WWOX: variants seen among roughly 807,000 people sequenced by gnomAD.
The protein encoded by WWOX is WW domain-containing oxidoreductase.
WWOX carries 69 observed loss-of-function variants against 46.2 expected under a neutral mutation model. The observed-to-expected ratio is 1.49, with a 90% confidence interval of 1.23 to 1.82. The LOEUF (loss-of-function observed/expected upper bound fraction) is 1.82. Among genes scored for constraint, WWOX ranks in the 40% most tolerant of loss-of-function variants. WWOX has a pLI of 0.00. For synonymous variants in WWOX, 359 were observed against 202.6 expected (o/e 1.77, Z -6.56); for missense variants, 919 against 542.6 (o/e 1.69, Z -6.89).
chr16:79,052,884 C>A (rs1295388893), intron 8 of WWOX, among the ~76,000 whole-genome samples: 1 of 145,542 alleles, frequency 6.9e-6, no homozygotes. Context: ...AAGATAATTA[C>A]TAATATGTCT....
At chr16:78,536,576 C>T (rs2043764535) in intron 8 of WWOX, among the ~76,000 whole-genome samples, 2 of 152,064 alleles carry the variant, frequency 1.3e-5, no homozygotes, top group Non-Finnish European at 2.9e-5. Context: ...TATATGGTAG[C>T]CAAGGACAGT....
intron 8 of WWOX, among the ~76,000 whole-genome samples, chr16:78,528,864 C>T (rs2043547962): frequency 1.3e-5 from 2 of 152,056 alleles, no homozygotes; most frequent in Admixed American, 6.5e-5. Flanking sequence ...ATCTTGGATT[C>T]CCAGCTTACT....
intron 8 of WWOX, among the ~76,000 whole-genome samples, chr16:79,178,280 C>G (rs569034669): frequency 5.9e-5 from 9 of 152,184 alleles, no homozygotes; most frequent in Admixed American, 5.9e-4. Flanking sequence ...AGGATTTGAC[C>G]CATGGGCTGC....
At chr16:78,106,409 C>T (rs528561395) in intron 1 of WWOX, among the ~76,000 whole-genome samples, 11 of 131,868 alleles carry the variant, frequency 8.3e-5, no homozygotes, top group South Asian at 2.5e-4. Context: ...AGAGTCAGAA[C>T]GGTTTTTTTT....
chr16:78,722,721 T>TC (rs1318497944), intron 8 of WWOX, among the ~76,000 whole-genome samples: 1 of 132,512 alleles, frequency 7.5e-6, no homozygotes, highest in Non-Finnish European at 1.6e-5. Flanking sequence ...TTTTTTTTTT[T>TC]CCTCTAAATA....
chr16:78,586,514 T>C (rs1010149536), intron 8 of WWOX, among the ~76,000 whole-genome samples: 3 of 152,200 alleles, frequency 2.0e-5, no homozygotes, highest in African/African-American at 4.8e-5. Flanking sequence ...GTTTTACTCA[T>C]TGTCTAATTG....
chr16:78,667,184 T>C (rs2047350506), intron 8 of WWOX, among the ~76,000 whole-genome samples: 1 of 152,244 alleles, frequency 6.6e-6, no homozygotes, highest in Non-Finnish European at 1.5e-5. Context: ...CATGAAACTC[T>C]ATGGGTGAAC....
At chr16:79,022,675 A>G (rs1208304265) in intron 8 of WWOX, among the ~76,000 whole-genome samples, 2 of 152,246 alleles carry the variant, frequency 1.3e-5, no homozygotes, top group East Asian at 1.9e-4. Context: ...TTTATGCCAA[A>G]TGATATGCAC....
At chr16:79,195,029 A>G (rs1000589264) in intron 8 of WWOX, among the ~76,000 whole-genome samples, 3 of 152,220 alleles carry the variant, frequency 2.0e-5, no homozygotes, top group Non-Finnish European at 4.4e-5. Context: ...TGCCTGTTCC[A>G]TATGAGAACA....
intron 8 of WWOX, among the ~76,000 whole-genome samples, chr16:78,472,836 A>AAAT (rs1421843878): frequency 0.012 from 1,693 of 135,530 alleles, 81 homozygotes; most frequent in African/African-American, 0.025. Context: ...AAAAAAAAAA[A>AAAT]TTATGTCATT....
chr16:78,370,534 C>G (rs1053456243), intron 5 of WWOX, among the ~76,000 whole-genome samples: 1 of 151,632 alleles, frequency 6.6e-6, no homozygotes, highest in Admixed American at 6.6e-5. Flanking sequence ...TTAAATGTTT[C>G]TATTCTTCTG....
chr16:79,165,957 T>G (rs565510574), intron 8 of WWOX, among the ~76,000 whole-genome samples: 3 of 152,332 alleles, frequency 2.0e-5, no homozygotes, highest in East Asian at 1.9e-4. Context: ...TAATGTTTTC[T>G]GGTAGTTGCT....
chr16:78,770,120 G>A (rs1425026295), intron 8 of WWOX, among the ~76,000 whole-genome samples: 2 of 152,108 alleles, frequency 1.3e-5, no homozygotes, highest in Non-Finnish European at 2.9e-5. Flanking sequence ...GGGAATACGA[G>A]GTGGGCCAAT....
intron 5 of WWOX, among the ~76,000 whole-genome samples, chr16:78,303,249 G>C (rs1057147487): frequency 5.3e-5 from 8 of 152,090 alleles, no homozygotes; most frequent in Non-Finnish European, 4.4e-5. Flanking sequence ...TTTTCTGATA[G>C]ACAAAGTAAA....
intron 6 of WWOX, among the ~76,000 whole-genome samples, chr16:78,410,075 G>A (rs1289629257): frequency 1.3e-5 from 2 of 152,166 alleles, no homozygotes; most frequent in East Asian, 1.9e-4. Context: ...CATCCCTTTG[G>A]TGATAAGTGA....
intron 5 of WWOX, among the ~76,000 whole-genome samples, chr16:78,352,223 C>G (rs1022491716): frequency 3.3e-5 from 5 of 152,230 alleles, no homozygotes; most frequent in Admixed American, 6.5e-5. Flanking sequence ...AATGTGAAAT[C>G]TCACAAATTA....
At chr16:78,882,057 C>T (rs60379582) in intron 8 of WWOX, among the ~76,000 whole-genome samples, 15 of 147,670 alleles carry the variant, frequency 1.0e-4, no homozygotes, top group Middle Eastern at 3.2e-3. Flanking sequence ...GCCCGGGAGA[C>T]GGAGGTTGCA....
At chr16:79,141,034 C>T (rs1449700871) in intron 8 of WWOX, among the ~76,000 whole-genome samples, 1 of 152,108 alleles carries the variant, frequency 6.6e-6, no homozygotes, top group African/African-American at 2.4e-5. Flanking sequence ...AATCTTGGGC[C>T]CCCAAATCAC....
chr16:78,824,083 T>G (rs2051581962), intron 8 of WWOX, among the ~76,000 whole-genome samples: 1 of 152,180 alleles, frequency 6.6e-6, no homozygotes, highest in South Asian at 2.1e-4. Context: ...ATTTTTCTAG[T>G]ACTTTATTTT....
Sources: allele counts gnomAD v4.1 joint callset (sites outside exome capture counted in the v4.1 genomes callset), GRCh38; gene constraint gnomAD v4.1.1; transcripts MANE v1.5; gene names NCBI Gene and HGNC (gene_info 2026-07-23, HGNC 2026-07-21).